The following NHS variants were observed in gnomAD, a reference collection of about 807,000 sequenced individuals.
The protein encoded by NHS is NHS actin remodeling regulator.
Under a neutral mutation model 72.5 loss-of-function variants are expected in NHS, and 5 were observed. That is an observed-to-expected ratio of 0.07 (90% CI 0.04 to 0.14). NHS has a LOEUF of 0.14. NHS is among the 10% of genes least tolerant of loss of function. The probability of loss-of-function intolerance (pLI) is 1.00; values close to 1 mark genes in which losing one functional copy is unlikely to be tolerated. For missense variants in NHS, 1,072 were observed against 1,355.7 expected (o/e 0.79, Z 3.29); for synonymous variants, 464 against 547.7 (o/e 0.85, Z 2.13).
chrX:17,479,903 G>A (rs750219963), intron 1 of NHS, among the ~76,000 whole-genome samples: 19 of 111,665 alleles, frequency 1.7e-4, no homozygotes, highest in African/African-American at 4.2e-4. Context: ...TTAATTAGAT[G>A]CCATTTGTCA....
chrX:17,652,150 C>T (rs777529785), intron 1 of NHS, among the ~76,000 whole-genome samples: 1 of 112,520 alleles, frequency 8.9e-6, no homozygotes, highest in Admixed American at 9.4e-5. Flanking sequence ...TTCTACCTGG[C>T]CCTTTACAGA....
chrX:17,538,751 C>T lies in NHS; in HGVS notation c.566-148991C>T, dbSNP rs529917139. Among the ~76,000 whole-genome samples the T allele has an allele frequency of 4.5e-4, 50 of 112,164 alleles. No homozygotes were observed. The South Asian group carries it at 0.019, about 42-fold the overall frequency. On this transcript the variant is annotated intron_variant, in intron 1 of 8. Transcript: ENST00000676302. ...GTGGGGAAGCCAACCTTTCTGAGGC[C>T]AGGAAAGCATTTCTCTGGGTGCCCA... is the stretch of plus-strand genomic sequence containing the variant.
chrX:17,707,236 C>T (rs192263243), intron 3 of NHS, among the ~76,000 whole-genome samples: 28 of 111,874 alleles, frequency 2.5e-4, no homozygotes, highest in Non-Finnish European at 4.1e-4. Flanking sequence ...TGGTATGAGA[C>T]GGAGCCCCTA....
intron 1 of NHS, among the ~76,000 whole-genome samples, chrX:17,621,605 C>G (rs1488569465): frequency 1.8e-5 from 2 of 111,957 alleles, no homozygotes; most frequent in African/African-American, 6.5e-5. Context: ...CCAACCTAGT[C>G]TGCTGCAATC....
chrX:17,538,110 G>C (rs993398544), intron 1 of NHS, among the ~76,000 whole-genome samples: 1 of 111,935 alleles, frequency 8.9e-6, no homozygotes. Flanking sequence ...GGTGGAATTG[G>C]AGGCAGGTCA....
intron 1 of NHS, among the ~76,000 whole-genome samples, chrX:17,547,964 G>A (rs1312432791): frequency 8.9e-6 from 1 of 111,800 alleles, no homozygotes; most frequent in Non-Finnish European, 1.9e-5. Context: ...GTGGTGGAAG[G>A]GCCTGCAGAA....
At chrX:17,570,421 C>G (rs1347694610) in intron 1 of NHS, among the ~76,000 whole-genome samples, 1 of 111,742 alleles carries the variant, frequency 8.9e-6, no homozygotes, top group African/African-American at 3.3e-5. Flanking sequence ...ATTTTATTCT[C>G]TTTATAGCAA....
At position 17,375,725 on chromosome X, in the gene NHS, G is replaced by A. The variant is rs1395383862; in HGVS notation, c.-33G>A. 1 of 1,152,118 alleles carries A rather than the reference G, an allele frequency of 8.7e-7. No individual in the cohort carries two copies. Among genetic ancestry groups the A allele is most frequent in the East Asian group, 3.3e-5 (1 of 30,676 alleles). The allele number at this position is 1,152,118 out of a possible 1,213,427, so 94.9% of individuals were successfully genotyped here. ...TCTCCAGCTCACAGGGGCGCTTGGA[G>A]GAGACCAGAAAGTCGCCGCCTGGCT... On this transcript the variant is annotated 5_prime_UTR_variant, in exon 1 of 9. Transcript: ENST00000676302.
At chrX:17,549,358 G>A (rs1028956842) in intron 1 of NHS, among the ~76,000 whole-genome samples, 7 of 110,187 alleles carry the variant, frequency 6.4e-5, no homozygotes, top group Admixed American at 1.9e-4. Context: ...AACTGCCCCC[G>A]TTGTTCCTGG....
chrX:17,675,988 G>A (rs1181427963), intron 1 of NHS, among the ~76,000 whole-genome samples: 1 of 111,256 alleles, frequency 9.0e-6, no homozygotes, highest in Non-Finnish European at 1.9e-5. Flanking sequence ...CATCACTTAT[G>A]CTCTCTAAGT....
chrX:17,493,254 G>A (rs929699050), intron 1 of NHS, among the ~76,000 whole-genome samples: 1 of 111,498 alleles, frequency 9.0e-6, no homozygotes, highest in African/African-American at 3.3e-5. Context: ...GGGCCATTAC[G>A]TATTTGTGGA....
rs775867910 is a variant in NHS, at chrX:17,725,432, C to T, written c.1326C>T (p.Ser442=). The change falls in exon 7 of 9, where the codon TCC becomes TCT. Residue 442 remains serine, a synonymous_variant. Coordinates refer to ENST00000676302, the MANE Select transcript of NHS (RefSeq NM_001291867.2). ...PDPSNTVNRI[S]GTRDSECQTE... Reference sequence around the variant, plus strand: ...CCTCCAACACTGTCAATAGGATATCCGGAACCAGGGACTCTGAGTGCCAAA... The same window carrying T: ...CCTCCAACACTGTCAATAGGATATCTGGAACCAGGGACTCTGAGTGCCAAA... 38 of 1,208,881 alleles carry T rather than the reference C, an allele frequency of 3.1e-5. No homozygotes were observed. The South Asian group carries it at 5.1e-4, about 16-fold the overall frequency.
Position 17,611,647 on chromosome X carries a change from G to T in NHS, c.566-76095G>T, listed in dbSNP as rs1474872005. ...TATCATCGACAGGTAGGTTAGGGAAGACTATAGGGCAAAATTCTCAAACTT... is the reference window on the plus strand; with the variant it reads ...TATCATCGACAGGTAGGTTAGGGAATACTATAGGGCAAAATTCTCAAACTT... On this transcript the variant is annotated intron_variant, in intron 1 of 8. Coordinates refer to ENST00000676302, the MANE Select transcript of NHS (RefSeq NM_001291867.2). Among the ~76,000 whole-genome samples, 4 of 111,241 alleles carry T rather than the reference G, an allele frequency of 3.6e-5. No individual in the cohort carries two copies. In the Admixed American group the frequency reaches 3.8e-4, roughly 11 times the overall value.
At chrX:17,416,819 T>TGTGTGAGAGA (rs1445369548) in intron 1 of NHS, among the ~76,000 whole-genome samples, 1 of 98,194 alleles carries the variant, frequency 1.0e-5, no homozygotes, top group African/African-American at 3.9e-5. Flanking sequence ...TGTGTGTGTG[T>TGTGTGAGAGA]GAGAGAGAGA....
intron 1 of NHS, among the ~76,000 whole-genome samples, chrX:17,538,930 G>T (rs995080394): frequency 4.5e-5 from 5 of 111,830 alleles, no homozygotes; most frequent in Non-Finnish European, 9.4e-5. Flanking sequence ...TTGTCTTTCT[G>T]CCTCCCTTTC....
chrX:17,430,059 AG>A (rs2064680664), intron 1 of NHS, among the ~76,000 whole-genome samples: 1 of 110,886 alleles, frequency 9.0e-6, no homozygotes, highest in Non-Finnish European at 1.9e-5. Flanking sequence ...TCTCAGATTC[AG>A]ATTATGCACA....
chrX:17,625,625 C>G (rs1296633445), intron 1 of NHS, among the ~76,000 whole-genome samples: 2 of 111,796 alleles, frequency 1.8e-5, no homozygotes, highest in Admixed American at 9.5e-5. Context: ...CATTTTAAGC[C>G]AGCAATGTGC....
chrX:17,552,702 G>A (rs1056562142), intron 1 of NHS, among the ~76,000 whole-genome samples: 2 of 111,994 alleles, frequency 1.8e-5, no homozygotes, highest in African/African-American at 6.5e-5. Flanking sequence ...AGTATTATCC[G>A]AAGAATCGGA....
At chrX:17,474,577 G>C in intron 1 of NHS, among the ~76,000 whole-genome samples, 1 of 111,696 alleles carries the variant, frequency 9.0e-6, no homozygotes, top group East Asian at 2.8e-4. Context: ...GTACAACAAA[G>C]ACCTCAGCTG....
Sources: allele counts gnomAD v4.1 joint callset (sites outside exome capture counted in the v4.1 genomes callset), GRCh38; gene constraint gnomAD v4.1.1; transcripts MANE v1.5; gene names NCBI Gene and HGNC (gene_info 2026-07-23, HGNC 2026-07-21).